Variants in ZFYVE16 observed in about 807,000 individuals in gnomAD.
ZFYVE16 encodes zinc finger FYVE-type containing 16.
ZFYVE16 carries 89 observed loss-of-function variants against 138.1 expected under a neutral mutation model. That is an observed-to-expected ratio of 0.64 (90% CI 0.54 to 0.77). The LOEUF (loss-of-function observed/expected upper bound fraction) is 0.77. Among genes scored for constraint, ZFYVE16 ranks in the 30% least tolerant of loss-of-function variants. ZFYVE16 has a pLI of 0.00. For synonymous variants in ZFYVE16, 596 were observed against 618.3 expected (o/e 0.96, Z 0.53); for missense variants, 1,793 against 1,786.7 (o/e 1.00, Z -0.06).
chr5:80,445,235 A>G (rs757306708), intron 6 of ZFYVE16, 28 bp from the exon 7 acceptor site: 2 of 1,601,100 alleles, frequency 1.2e-6, no homozygotes, highest in East Asian at 4.5e-5. Flanking sequence ...ACCAGATTCA[A>G]ATGTTTTACT....
chr5:80,455,573 A>G, intron 11 of ZFYVE16, 119 bp from the exon 12 acceptor site: 1 of 827,832 alleles, frequency 1.2e-6, no homozygotes, highest in East Asian at 2.7e-5. Context: ...TCCCCTAAGA[A>G]CTGATTGAGT....
At chr5:80,418,347 C>T (rs1170060092) in intron 1 of ZFYVE16, among the ~76,000 whole-genome samples, 1 of 134,524 alleles carries the variant, frequency 7.4e-6, no homozygotes, top group African/African-American at 2.7e-5. Context: ...GGGTCTGACT[C>T]TGTTGCCTAG....
chr5:80,451,460 T>C (rs1262657205), intron 10 of ZFYVE16, 25 bp from the exon 11 acceptor site: 2 of 1,549,808 alleles, frequency 1.3e-6, no homozygotes, highest in East Asian at 2.3e-5. Context: ...ACTTAAAATC[T>C]TTTTACTAAT....
Position 80,451,664 on chromosome 5 carries a change from G to T in ZFYVE16, c.3562G>T (p.Val1188Phe). The T allele has an allele frequency of 6.2e-7, 1 of 1,613,834 alleles. No individual in the cohort carries two copies. Among genetic ancestry groups the T allele is most frequent in the Non-Finnish European group, 8.5e-7 (1 of 1,179,898 alleles). The change falls in exon 11 of 19, where the codon GTT (valine) becomes TTT (phenylalanine). Residue 1188 changes from valine (V) to phenylalanine (F), a missense_variant. Physicochemically the swap from Val to Phe is conservative, Grantham distance 50 (BLOSUM62 -1). Coordinates refer to ENST00000505560, the MANE Select transcript of ZFYVE16 (RefSeq NM_001284236.3). ...IQKLEIPWAKVFPMRLMLRLG... is the reference protein window; with the variant it reads ...IQKLEIPWAKFFPMRLMLRLG... Reference sequence around the variant, plus strand: ...GAAGCTTGAGATTCCCTGGGCAAAGGTTTTTCCTATGCGTTTAATGTTGAG... The same window carrying T: ...GAAGCTTGAGATTCCCTGGGCAAAGTTTTTTCCTATGCGTTTAATGTTGAG...
At position 80,435,482 on chromosome 5, in the gene ZFYVE16, A is replaced by C. The variant is rs77342753; in HGVS notation, c.70+1265A>C. 9.3e-3 allele frequency among the ~76,000 whole-genome samples: 1,417 copies of C among 152,294 alleles called. 31 individuals are homozygous for C. The highest frequency in any genetic ancestry group is 0.032 in the African/African-American group (1,348 of 41,568). ...CCACGTCTGGGTGTTATTTTCTTTAAAACGAAGACTAGGAAACTGGAAGTC... is the reference window on the plus strand; with the variant it reads ...CCACGTCTGGGTGTTATTTTCTTTACAACGAAGACTAGGAAACTGGAAGTC... On this transcript the variant is annotated intron_variant, in intron 3 of 18. Transcript: ENST00000505560.
intron 10 of ZFYVE16, among the ~76,000 whole-genome samples, chr5:80,451,055 G>T (rs918004770): frequency 2.0e-5 from 3 of 151,980 alleles, no homozygotes; most frequent in African/African-American, 7.3e-5. Flanking sequence ...CAAGTGATCC[G>T]CCCGCCTCAG....
intron 1 of ZFYVE16, among the ~76,000 whole-genome samples, chr5:80,418,770 A>G (rs1746634070): frequency 6.6e-6 from 1 of 152,180 alleles, no homozygotes; most frequent in Non-Finnish European, 1.5e-5. Context: ...CATTTTAATA[A>G]GATCAAACTT....
In ZFYVE16 at chr5:80,448,737, G is replaced by T. The variant is rs138852531; in HGVS notation, c.3103+333G>T. Among the ~76,000 whole-genome samples the T allele has an allele frequency of 4.6e-3, 704 of 152,190 alleles. 3 individuals carry two copies. The highest frequency in any genetic ancestry group is 0.016 in the African/African-American group (644 of 41,516). On this transcript the variant is annotated intron_variant, in intron 8 of 18. Coordinates refer to ENST00000505560, the MANE Select transcript of ZFYVE16 (RefSeq NM_001284236.3). ...TTTTTTTAGGAGCATGATACCTAAA[G>T]AAAAGAGCATTAGATTGGATGGCAA...
intron 1 of ZFYVE16, among the ~76,000 whole-genome samples, chr5:80,422,322 G>A (rs1300797587): frequency 6.6e-6 from 1 of 152,146 alleles, no homozygotes; most frequent in Non-Finnish European, 1.5e-5. Flanking sequence ...CCCAATACTT[G>A]AGGCAAGGCA....
chr5:80,434,194 TTGA>T lies in ZFYVE16; in HGVS notation c.52_54del (p.Asp18del). The T allele has an allele frequency of 6.2e-7, 1 of 1,613,502 alleles. No individual in the cohort carries two copies. Among genetic ancestry groups the T allele is most frequent in the Middle Eastern group, 1.7e-4 (1 of 6,050 alleles). ...GCTGTCAGTGACTTGGACAAACTCC[TTGA>T]TGATTTTGAACAGAACCCAGGTTTG... On this transcript the variant is annotated inframe_deletion, in exon 3 of 19. Coordinates refer to ENST00000505560, the MANE Select transcript of ZFYVE16 (RefSeq NM_001284236.3).
chr5:80,434,751 A>T (rs1229246064), intron 3 of ZFYVE16, among the ~76,000 whole-genome samples: 1 of 152,178 alleles, frequency 6.6e-6, no homozygotes, highest in Non-Finnish European at 1.5e-5. Flanking sequence ...GATTATAGGC[A>T]TGAGTCATGT....
In ZFYVE16 at chr5:80,438,878, C is replaced by A. The variant is rs1580223133; in HGVS notation, c.2193C>A (p.Cys731Ter). 1 of 1,614,010 alleles carries A rather than the reference C, an allele frequency of 6.2e-7. No homozygotes were observed. The highest frequency in any genetic ancestry group is 1.1e-5 in the South Asian group (1 of 91,078). ...ANEDSVPENT[C>*]KEGLVLGQKQ... ...AAGATTCTGTACCTGAAAACACTTG[C>A]AAAGAAGGCTTGGTTTTGGGCCAGA... The change falls in exon 4 of 19, where the codon TGC (cysteine) becomes TGA (stop). Residue 731 changes from cysteine (C) to a stop codon, truncating the protein, a stop_gained. Coordinates refer to ENST00000505560, the MANE Select transcript of ZFYVE16 (RefSeq NM_001284236.3). LOFTEE classifies it high-confidence loss of function.
chr5:80,428,068 G>C (rs533298442), intron 2 of ZFYVE16, among the ~76,000 whole-genome samples: 1 of 149,360 alleles, frequency 6.7e-6, no homozygotes. Context: ...CACAGAAGAC[G>C]GGTGATTTCT....
intron 5 of ZFYVE16, among the ~76,000 whole-genome samples, chr5:80,442,838 C>T (rs1258260071): frequency 3.3e-5 from 5 of 152,278 alleles, no homozygotes; most frequent in East Asian, 3.9e-4. Flanking sequence ...AGGGCAAAAA[C>T]AGAGACAGTC....
intron 15 of ZFYVE16, among the ~76,000 whole-genome samples, chr5:80,471,205 T>C (rs928673701): frequency 2.2e-4 from 33 of 152,142 alleles, no homozygotes; most frequent in Non-Finnish European, 3.7e-4. Context: ...TAGGCCTCTT[T>C]AGGGTTAAGG....
chr5:80,453,193 T>C (rs1644671677), intron 11 of ZFYVE16, among the ~76,000 whole-genome samples: 1 of 152,188 alleles, frequency 6.6e-6, no homozygotes, highest in African/African-American at 2.4e-5. Flanking sequence ...GGGGGTTCTT[T>C]ACCATTTAGG....
chr5:80,437,761 A>G lies in ZFYVE16; in HGVS notation c.1076A>G (p.Asp359Gly). 1 of 1,614,130 alleles carries G rather than the reference A, an allele frequency of 6.2e-7. No individual in the cohort carries two copies. Among genetic ancestry groups the G allele is most frequent in the Non-Finnish European group, 8.5e-7 (1 of 1,179,996 alleles). Reference protein sequence around the residue: ...LDLKDNDVIQDSSSALHVSSK... With the variant: ...LDLKDNDVIQGSSSALHVSSK... ...CTTAAGGATAATGATGTAATCCAAG[A>G]TTCCTCTTCAGCTTTACATGTTTCC... The change falls in exon 4 of 19, where the codon GAT becomes GGT. Residue 359 changes from aspartate to glycine, a missense_variant. Around this residue, in one of 2 missense-constraint regions of ZFYVE16, gnomAD observed 1,295 missense variants for 1,204.3 expected, o/e 1.08. Transcript: ENST00000505560.
chr5:80,437,697 A>G lies in ZFYVE16; in HGVS notation c.1012A>G (p.Ile338Val), dbSNP rs752510069. The change falls in exon 4 of 19, where the codon ATA becomes GTA. Residue 338 changes from isoleucine (I) to valine (V), a missense_variant. Ile to Val is a conservative substitution (Grantham distance 29). This residue lies in a region of ZFYVE16 where 1,295 missense variants were observed against 1,204.3 expected (regional missense o/e 1.08). Coordinates refer to ENST00000505560, the MANE Select transcript of ZFYVE16 (RefSeq NM_001284236.3). Reference protein sequence around the residue: ...DFSFQEDKTVIKQSAQEDSKS... With the variant: ...DFSFQEDKTVVKQSAQEDSKS... The stretch of plus-strand genomic sequence containing the variant: ...TTCCTTTCAGGAAGATAAGACTGTT[A>G]TAAAACAATCTGCACAAGAAGACTC... 5.0e-6 allele frequency: 8 copies of G among 1,613,822 alleles called. No homozygotes were observed. The South Asian group carries it at 6.6e-5, about 13-fold the overall frequency.
chr5:80,444,269 TG>T (rs1263779748), intron 6 of ZFYVE16, among the ~76,000 whole-genome samples: 2 of 152,146 alleles, frequency 1.3e-5, no homozygotes, highest in African/African-American at 4.8e-5. Flanking sequence ...GAATAATTTG[TG>T]TTTGAAAATA....
Sources: allele counts gnomAD v4.1 joint callset (sites outside exome capture counted in the v4.1 genomes callset), GRCh38; gene constraint gnomAD v4.1.1; regional missense constraint gnomAD v4.1.1; transcripts MANE v1.5; gene names NCBI Gene and HGNC (gene_info 2026-07-23, HGNC 2026-07-21).